The following AGBL4 variants were observed in gnomAD, a reference collection of about 807,000 sequenced individuals.
AGBL4 encodes AGBL carboxypeptidase 4, also known as cytosolic carboxypeptidase 6.
AGBL4 carries 58 observed loss-of-function variants against 66.4 expected under a neutral mutation model. That is an observed-to-expected ratio of 0.87 (90% CI 0.71 to 1.09). The LOEUF (loss-of-function observed/expected upper bound fraction) is 1.09, where lower values mean the gene tolerates loss of function less well. AGBL4 is among the 50% of genes least tolerant of loss of function. The pLI, the probability that AGBL4 is intolerant of heterozygous loss-of-function variation, is 0.00. For missense variants in AGBL4, 579 were observed against 631.0 expected (o/e 0.92, Z 0.88); for synonymous variants, 234 against 222.9 (o/e 1.05, Z -0.44).
rs117978169 is a variant in AGBL4, at chr1:48,731,590, G to A, written c.635-68349C>T. Reference sequence around the variant, plus strand: ...AAGGCTCACCTAAGCAGATCTGGGTGGTAAGCAGCAGTTAGCCAGGCAAAG... The same window carrying A: ...AAGGCTCACCTAAGCAGATCTGGGTAGTAAGCAGCAGTTAGCCAGGCAAAG... On this transcript the variant is annotated intron_variant, in intron 6 of 13. Transcript: ENST00000371839. 7.7e-4 allele frequency among the ~76,000 whole-genome samples: 118 copies of A among 152,318 alleles called. 2 individuals are homozygous for A. In the East Asian group the frequency reaches 0.018, roughly 24 times the overall value.
At chr1:48,707,976 G>A (rs1646907012) in intron 6 of AGBL4, among the ~76,000 whole-genome samples, 1 of 152,188 alleles carries the variant, frequency 6.6e-6, no homozygotes, top group Non-Finnish European at 1.5e-5. Flanking sequence ...CACTTTCCAT[G>A]TCTTAAGTGT....
intron 4 of AGBL4, among the ~76,000 whole-genome samples, chr1:49,068,580 A>C (rs1200044072): frequency 6.6e-6 from 1 of 152,138 alleles, no homozygotes; most frequent in Non-Finnish European, 1.5e-5. Flanking sequence ...TTATGGCTGC[A>C]TAGTATTCCA....
intron 2 of AGBL4, among the ~76,000 whole-genome samples, chr1:49,782,315 A>T (rs1644355671): frequency 6.6e-6 from 1 of 152,172 alleles, no homozygotes; most frequent in South Asian, 2.1e-4. Flanking sequence ...GAATTATAAG[A>T]TCATACTATG....
intron 1 of AGBL4, among the ~76,000 whole-genome samples, chr1:49,911,298 T>C (rs1014640045): frequency 1.3e-5 from 2 of 152,226 alleles, no homozygotes; most frequent in Admixed American, 6.5e-5. Context: ...TCTGTGATTG[T>C]TGAGAGGAAG....
At chr1:49,112,637 T>C (rs933169497) in intron 4 of AGBL4, among the ~76,000 whole-genome samples, 4 of 152,238 alleles carry the variant, frequency 2.6e-5, no homozygotes, top group African/African-American at 4.8e-5. Flanking sequence ...GTAGCTTTGA[T>C]GTGATTTCAA....
Position 48,594,154 on chromosome 1 carries a change from C to T in AGBL4, c.952-3169G>A, listed in dbSNP as rs183111760. ...CAGCCTAGCCAACATGGTGAAACAC[C>T]GTCTCTACTAAAAATACAAAAAAAT... On this transcript the variant is annotated intron_variant, in intron 9 of 13. Transcript: ENST00000371839. Among the ~76,000 whole-genome samples the T allele has an allele frequency of 1.5e-3, 231 of 152,028 alleles. 3 individuals are homozygous for T. Among genetic ancestry groups the T allele is most frequent in the African/African-American group, 4.7e-3 (193 of 41,472 alleles).
intron 2 of AGBL4, among the ~76,000 whole-genome samples, chr1:49,836,275 C>A (rs975877086): frequency 2.0e-5 from 3 of 152,056 alleles, no homozygotes; most frequent in Non-Finnish European, 2.9e-5. Flanking sequence ...TTGTTCATTC[C>A]TTTTCATTCT....
At chr1:49,831,189 T>G (rs1645664142) in intron 2 of AGBL4, among the ~76,000 whole-genome samples, 1 of 152,244 alleles carries the variant, frequency 6.6e-6, no homozygotes, top group Non-Finnish European at 1.5e-5. Flanking sequence ...ATCTATAAAT[T>G]ACTTTGGGCA....
chr1:49,501,656 C>G (rs566127112), intron 3 of AGBL4, among the ~76,000 whole-genome samples: 30 of 151,260 alleles, frequency 2.0e-4, no homozygotes, highest in African/African-American at 7.0e-4. Flanking sequence ...ATATTTTTAT[C>G]TTTATTATTT....
At chr1:48,665,228 G>A (rs1284738101) in intron 6 of AGBL4, among the ~76,000 whole-genome samples, 1 of 152,124 alleles carries the variant, frequency 6.6e-6, no homozygotes, top group Non-Finnish European at 1.5e-5. Context: ...AGGAACAAAG[G>A]GAGAGACAGA....
At chr1:49,950,454 G>A (rs1656060137) in intron 1 of AGBL4, among the ~76,000 whole-genome samples, 1 of 151,394 alleles carries the variant, frequency 6.6e-6, no homozygotes, top group Non-Finnish European at 1.5e-5. Context: ...ATTTGGTGCA[G>A]CATATACTGC....
At chr1:48,562,719 A>G (rs558648900) in intron 11 of AGBL4, among the ~76,000 whole-genome samples, 1 of 152,318 alleles carries the variant, frequency 6.6e-6, no homozygotes, top group African/African-American at 2.4e-5. Context: ...AGAAAATTTG[A>G]GACTCAGAGA....
chr1:49,202,248 C>G (rs1400495781), intron 4 of AGBL4, among the ~76,000 whole-genome samples: 3 of 152,040 alleles, frequency 2.0e-5, no homozygotes, highest in African/African-American at 7.2e-5. Flanking sequence ...ATTCATTATT[C>G]CAGGAGCATT....
intron 9 of AGBL4, among the ~76,000 whole-genome samples, chr1:48,630,607 A>G (rs574134706): frequency 6.6e-6 from 1 of 152,130 alleles, no homozygotes; most frequent in Non-Finnish European, 1.5e-5. Flanking sequence ...CACAGCAGCA[A>G]ACTCTAATGG....
At chr1:48,536,319 G>T (rs1438642407) in intron 12 of AGBL4, among the ~76,000 whole-genome samples, 1 of 152,170 alleles carries the variant, frequency 6.6e-6, no homozygotes, top group East Asian at 1.9e-4. Flanking sequence ...GGGACAGGGT[G>T]CTCACAGGGG....
rs1296219664 is a variant in AGBL4 at position 48,727,193 on chromosome 1, G to C, written c.635-63952C>G. 2.0e-5 allele frequency among the ~76,000 whole-genome samples: 3 copies of C among 152,312 alleles called. No individual in the cohort carries two copies. In the East Asian group the frequency reaches 5.8e-4, roughly 29 times the overall value. ...CCAGGTAACATTGCCCCTAGTTCCT[G>C]AATGTAACCCTATACTCATCTAACA... On this transcript the variant is annotated intron_variant, in intron 6 of 13. Coordinates refer to ENST00000371839, the MANE Select transcript of AGBL4 (RefSeq NM_032785.4).
At chr1:49,456,806 G>A (rs772803649) in intron 3 of AGBL4, among the ~76,000 whole-genome samples, 47 of 151,558 alleles carry the variant, frequency 3.1e-4, no homozygotes, top group Non-Finnish European at 6.3e-4. Flanking sequence ...TCCCAATTAT[G>A]AGCGAGAACA....
chr1:48,778,681 A>G (rs756660317), intron 6 of AGBL4, among the ~76,000 whole-genome samples: 4 of 152,116 alleles, frequency 2.6e-5, no homozygotes, highest in African/African-American at 9.7e-5. Context: ...GTATGTAACT[A>G]TTTTCCACAA....
At chr1:49,070,795 T>C (rs1032672192) in intron 4 of AGBL4, among the ~76,000 whole-genome samples, 1 of 152,030 alleles carries the variant, frequency 6.6e-6, no homozygotes, top group South Asian at 2.1e-4. Context: ...TGGAATTGTT[T>C]CAAAAGGAAT....
Sources: allele counts gnomAD v4.1 joint callset (sites outside exome capture counted in the v4.1 genomes callset), GRCh38; gene constraint gnomAD v4.1.1; transcripts MANE v1.5; gene names NCBI Gene and HGNC (gene_info 2026-07-23, HGNC 2026-07-21).